Variants in WWTR1 observed in about 807,000 individuals in gnomAD.
WWTR1 encodes the protein WW domain containing transcription regulator 1.
WWTR1 carries 13 observed loss-of-function variants against 40.1 expected under a neutral mutation model. The ratio of observed to expected loss-of-function variants is 0.32; its 90% CI spans 0.21 to 0.52. The LOEUF (loss-of-function observed/expected upper bound fraction) is 0.52, where lower values mean the gene tolerates loss of function less well. Among genes scored for constraint, WWTR1 ranks in the 20% least tolerant of loss-of-function variants. The pLI is 0.97. For synonymous variants in WWTR1, 230 were observed against 210.1 expected (o/e 1.09, Z -0.82); for missense variants, 436 against 523.1 (o/e 0.83, Z 1.63).
At chr3:149,696,048 G>C (rs1210402178) in intron 1 of WWTR1, among the ~76,000 whole-genome samples, 1 of 139,810 alleles carries the variant, frequency 7.2e-6, no homozygotes, top group Non-Finnish European at 1.5e-5. Context: ...AGGAGGTGGA[G>C]CTTGCAGTGA....
At chr3:149,640,143 T>C (rs1448039300) in intron 2 of WWTR1, among the ~76,000 whole-genome samples, 2 of 152,212 alleles carry the variant, frequency 1.3e-5, no homozygotes, top group African/African-American at 4.8e-5. Context: ...CTACTTTTCT[T>C]ACAAAATCTC....
chr3:149,544,276 T>C lies in WWTR1; in HGVS notation c.569-1739A>G, dbSNP rs139802003. ...ACACTGAAGCTTTTCTAGAGAAGAATAGATTTCTTTGAGGAAGAATTCAAT... is the reference window on the plus strand; with the variant it reads ...ACACTGAAGCTTTTCTAGAGAAGAACAGATTTCTTTGAGGAAGAATTCAAT... On this transcript the variant is annotated intron_variant, in intron 3 of 6. Coordinates refer to ENST00000360632, the MANE Select transcript of WWTR1 (RefSeq NM_015472.6). 2.5e-3 allele frequency among the ~76,000 whole-genome samples: 380 copies of C among 152,364 alleles called. 1 individual carries two copies. The highest frequency in any genetic ancestry group is 9.0e-3 in the African/African-American group (373 of 41,580).
intron 3 of WWTR1, among the ~76,000 whole-genome samples, chr3:149,545,961 G>A (rs1049130046): frequency 6.6e-6 from 1 of 152,146 alleles, no homozygotes; most frequent in African/African-American, 2.4e-5. Flanking sequence ...TGCTGCATTG[G>A]GCGTACTCTC....
Position 149,681,955 on chromosome 3 carries a change from G to T in WWTR1, c.-107-12064C>A, listed in dbSNP as rs576218108. The stretch of plus-strand genomic sequence containing the variant: ...ATGTGAGATGAATAAGTTCTAGAAA[G>T]CTGCTGTACAACATTGTGCCTATAG... On this transcript the variant is annotated intron_variant, in intron 1 of 7. Transcript: ENST00000465804. Among the ~76,000 whole-genome samples, 12 of 152,268 alleles carry T rather than the reference G, an allele frequency of 7.9e-5. No homozygotes were observed. In the East Asian group the frequency reaches 2.1e-3, roughly 27 times the overall value.
intron 4 of WWTR1, 122 bp downstream of exon 4, chr3:149,542,213 G>A: frequency 8.7e-7 from 1 of 1,154,744 alleles, no homozygotes; most frequent in Non-Finnish European, 1.2e-6. Flanking sequence ...CTTGGAGTAG[G>A]GCTTTGAGCC....
chr3:149,654,938 A>T (rs1218126219), intron 2 of WWTR1, among the ~76,000 whole-genome samples: 1 of 151,180 alleles, frequency 6.6e-6, no homozygotes, highest in East Asian at 2.0e-4. Context: ...CCTGGCTAAC[A>T]TGTTGAAACC....
intron 2 of WWTR1, among the ~76,000 whole-genome samples, chr3:149,590,678 A>G (rs1488770842): frequency 6.6e-6 from 1 of 152,214 alleles, no homozygotes; most frequent in African/African-American, 2.4e-5. Context: ...AGTTGGGTGA[A>G]GTAAACCTAC....
intron 3 of WWTR1, among the ~76,000 whole-genome samples, chr3:149,553,117 G>C (rs1978778): frequency 0.63 from 96,222 of 152,018 alleles, 31,934 homozygotes; most frequent in East Asian, 0.96. Flanking sequence ...GACTAATTCA[G>C]TTATTTTAGA....
At chr3:149,634,020 T>A (rs1398961291) in intron 2 of WWTR1, among the ~76,000 whole-genome samples, 4 of 152,110 alleles carry the variant, frequency 2.6e-5, no homozygotes. Context: ...GAGGCTAGTG[T>A]GCTGCAGTCT....
At chr3:149,636,690 A>G (rs552359464) in intron 2 of WWTR1, among the ~76,000 whole-genome samples, 1 of 152,320 alleles carries the variant, frequency 6.6e-6, no homozygotes, top group South Asian at 2.1e-4. Flanking sequence ...AGTCACCAGA[A>G]AATCTAAATA....
At chr3:149,714,280 G>T (rs1715545387) in intron 5 of WWTR1, among the ~76,000 whole-genome samples, 2 of 152,176 alleles carry the variant, frequency 1.3e-5, no homozygotes, top group African/African-American at 4.8e-5. Flanking sequence ...GCAGGCAGGA[G>T]CCCCGCCCTC....
intron 3 of WWTR1, among the ~76,000 whole-genome samples, chr3:149,559,965 G>T (rs922622577): frequency 6.6e-6 from 1 of 152,184 alleles, no homozygotes; most frequent in Admixed American, 6.5e-5. Flanking sequence ...CCACTGGATA[G>T]CTGCCCCTGA....
chr3:149,668,137 G>A (rs530495170), intron 2 of WWTR1, among the ~76,000 whole-genome samples: 1 of 152,260 alleles, frequency 6.6e-6, no homozygotes, highest in East Asian at 1.9e-4. Flanking sequence ...AGGGAAAGAA[G>A]CCTCTAGATT....
At chr3:149,694,109 A>G (rs1714904807) in intron 1 of WWTR1, among the ~76,000 whole-genome samples, 1 of 152,198 alleles carries the variant, frequency 6.6e-6, no homozygotes, top group Non-Finnish European at 1.5e-5. Context: ...CAAGGGATTA[A>G]TAGGCTGGGC....
chr3:149,539,798 C>A (rs2107932354), intron 4 of WWTR1, among the ~76,000 whole-genome samples: 1 of 152,000 alleles, frequency 6.6e-6, no homozygotes, highest in Non-Finnish European at 1.5e-5. Context: ...CAAAAGAGTT[C>A]AAAAAATCCA....
chr3:149,681,612 A>G (rs558422434), intron 1 of WWTR1, among the ~76,000 whole-genome samples: 71 of 152,320 alleles, frequency 4.7e-4, no homozygotes, highest in African/African-American at 1.6e-3. Context: ...TCAAAGAAAT[A>G]TTTGCACTCC....
At chr3:149,652,132 T>C (rs1712915298) in intron 2 of WWTR1, among the ~76,000 whole-genome samples, 1 of 151,364 alleles carries the variant, frequency 6.6e-6, no homozygotes, top group Non-Finnish European at 1.5e-5. Flanking sequence ...CATGAGCCAC[T>C]GCGCCCGGCC....
intron 5 of WWTR1, among the ~76,000 whole-genome samples, chr3:149,712,966 G>A (rs1234695974): frequency 2.0e-5 from 3 of 152,200 alleles, no homozygotes; most frequent in African/African-American, 7.2e-5. Flanking sequence ...TGTAAATTAA[G>A]TAAGGTAAGA....
intron 2 of WWTR1, among the ~76,000 whole-genome samples, chr3:149,622,502 G>A (rs7430132): frequency 0.23 from 10,649 of 45,880 alleles, 1,522 homozygotes; most frequent in East Asian, 0.43. Flanking sequence ...AGGAAGGAAG[G>A]AAGAAAGAAA....
Sources: gnomAD v4.1 joint callset for allele counts (sites outside exome capture counted in the v4.1 genomes callset) on GRCh38, gnomAD v4.1.1 for gene constraint, MANE v1.5 for transcripts, NCBI Gene and HGNC (gene_info 2026-07-23, HGNC 2026-07-21) for gene names.